Variants in CARM1 observed in about 807,000 individuals in gnomAD.
The protein encoded by CARM1 is coactivator associated arginine methyltransferase 1, also known as histone-arginine methyltransferase CARM1.
A neutral mutation model predicts 72.7 loss-of-function variants in CARM1; 14 were observed. That is an observed-to-expected ratio of 0.19 (90% CI 0.13 to 0.30). CARM1 has a LOEUF of 0.30. Ranked by LOEUF, CARM1 falls within the 10% of genes least tolerant of loss-of-function variation. CARM1 has a pLI of 1.00. For synonymous variants in CARM1, 333 were observed against 345.5 expected, an observed-to-expected ratio of 0.96 and a Z score of 0.40; for missense variants, 432 against 833.7, an observed-to-expected ratio of 0.52 and a Z score of 5.93.
Position 10,912,093 on chromosome 19 carries a change from C to A in CARM1, c.559-91C>A. On this transcript the variant is annotated intron_variant, in intron 4 of 15. Coordinates refer to ENST00000327064, the MANE Select transcript of CARM1 (RefSeq NM_199141.2). This position sits in a 1 kb window ranked among gnomAD's most constrained non-coding sequence, Gnocchi z 4.5. ...CAAACATTGAGAGTGAAGACAGACGCCTCATGATGTGCACATCCCTTATGA... is the reference window on the plus strand; with the variant it reads ...CAAACATTGAGAGTGAAGACAGACGACTCATGATGTGCACATCCCTTATGA... The A allele has an allele frequency of 1.1e-6, 1 of 911,276 alleles. No homozygotes were observed. The highest frequency in any genetic ancestry group is 1.9e-6 in the Non-Finnish European group (1 of 539,780). The allele number at this position is 911,276 out of a possible 1,614,324, so 56.4% of individuals were successfully genotyped here.
At chr19:10,892,185 T>C (rs920072141) in intron 1 of CARM1, among the ~76,000 whole-genome samples, 1 of 152,256 alleles carries the variant, frequency 6.6e-6, no homozygotes, top group African/African-American at 2.4e-5. Flanking sequence ...GATGGATATT[T>C]AGGTTTTCTG....
chr19:10,914,531 C>G lies in CARM1; in HGVS notation c.847+477C>G, dbSNP rs148657904. Among the ~76,000 whole-genome samples, 956 of 152,314 alleles carry G rather than the reference C, an allele frequency of 6.3e-3. 6 individuals carry two copies. Among genetic ancestry groups the G allele is most frequent in the Non-Finnish European group, 0.011 (736 of 68,026 alleles). ...CATCTGTCACTTCCCATCCGTGCCT[C>G]TGGGTATGGCCTCTGGTCACTGGGT... On this transcript the variant is annotated intron_variant, in intron 6 of 15. Coordinates refer to ENST00000327064, the MANE Select transcript of CARM1 (RefSeq NM_199141.2).
At position 10,876,728 on chromosome 19, in the gene CARM1, C is replaced by T. The variant is rs542024625; in HGVS notation, c.220+4806C>T. The stretch of plus-strand genomic sequence containing the variant: ...GGCCCTTTGGCGTGGGCTTCCTGGG[C>T]TTGAGGAAGCTTTGGCATGGCCTCT... On this transcript the variant is annotated intron_variant, in intron 1 of 15. Coordinates refer to ENST00000327064, the MANE Select transcript of CARM1 (RefSeq NM_199141.2). 1.3e-4 allele frequency among the ~76,000 whole-genome samples: 20 copies of T among 152,384 alleles called. No homozygotes were observed. The South Asian group carries it at 4.1e-3, about 32-fold the overall frequency.
intron 1 of CARM1, among the ~76,000 whole-genome samples, chr19:10,873,631 T>G (rs1478780084): frequency 3.0e-4 from 33 of 111,752 alleles, no homozygotes; most frequent in African/African-American, 4.2e-4. Context: ...TTAGTTTTTT[T>G]TTTTTTTTTT....
In CARM1 at chr19:10,894,113, C is replaced by G. The variant is rs1190351461; in HGVS notation, c.221-10838C>G. Among the ~76,000 whole-genome samples, 4 of 152,226 alleles carry G rather than the reference C, an allele frequency of 2.6e-5. No homozygotes were observed. The South Asian group carries it at 8.3e-4, about 31-fold the overall frequency. ...GCTCAGGTGTCGCCTCCTCCCGAGTCTGCCTGGAATCTGAATTGGGCCTGG... is the reference window on the plus strand; with the variant it reads ...GCTCAGGTGTCGCCTCCTCCCGAGTGTGCCTGGAATCTGAATTGGGCCTGG... On this transcript the variant is annotated intron_variant, in intron 1 of 15. Transcript: ENST00000327064.
intron 1 of CARM1, among the ~76,000 whole-genome samples, chr19:10,884,512 G>A (rs1267416003): frequency 1.3e-5 from 2 of 151,838 alleles, no homozygotes; most frequent in African/African-American, 2.4e-5. Flanking sequence ...ACACTACACA[G>A]CTCTGACTTT....
chr19:10,919,306 A>G, intron 8 of CARM1: 1 of 364,074 alleles, frequency 2.7e-6, no homozygotes, highest in Non-Finnish European at 5.0e-6. Context: ...TACCACGGAC[A>G]ATCTAATTAT....
rs754155943 is a variant in CARM1 at position 10,920,796 on chromosome 19, C to G, written c.1425-38C>G. On this transcript the variant is annotated intron_variant, in intron 12 of 15. Transcript: ENST00000327064. The surrounding 1 kb of genome is among the most constrained non-coding windows in gnomAD (Gnocchi z 5.3). ...ACAGGGGGGCGCCCCGGCCCTGCAA[C>G]CCCCTTGCCCCTGCCCATGGCTCTG... is the stretch of plus-strand genomic sequence containing the variant. The G allele has an allele frequency of 3.1e-6, 5 of 1,613,470 alleles. No homozygotes were observed. Among genetic ancestry groups the G allele is most frequent in the Non-Finnish European group, 4.2e-6 (5 of 1,179,508 alleles).
chr19:10,919,951 C>T lies in CARM1; in HGVS notation c.1181C>T (p.Ala394Val), dbSNP rs754155555. Residue 394 changes from alanine to valine, a missense_variant, in exon 10 of 16, where the codon GCT becomes GTT. By Grantham distance (64) the Ala-to-Val change is moderately conservative. This residue lies in a region of CARM1 where 152 missense variants were observed against 452.8 expected (regional missense o/e 0.34). Coordinates refer to ENST00000327064, the MANE Select transcript of CARM1 (RefSeq NM_199141.2). ...GGCCTGGCTTTCTGGTTTGACGTTG[C>T]TTTCATCGGCTCCATGTGAGTGCCG... ...VHGLAFWFDV[A>V]FIGSIMTVWL... 6.2e-7 allele frequency: 1 copy of T among 1,613,872 alleles called. No homozygotes were observed. The highest frequency in any genetic ancestry group is 1.3e-5 in the African/African-American group (1 of 75,064).
At chr19:10,878,909 C>T (rs1249551926) in intron 1 of CARM1, among the ~76,000 whole-genome samples, 2 of 151,640 alleles carry the variant, frequency 1.3e-5, no homozygotes, top group Non-Finnish European at 2.9e-5. Context: ...CGGGTTCAAG[C>T]GATTCTCCTG....
Position 10,916,834 on chromosome 19 carries a change from G to C in CARM1, c.1020+57G>C, listed in dbSNP as rs2074200924. ...GATCACTTGCCATTGCTGTGCAGCT[G>C]TGCAGCCCTCAGGAAGCTACAGCCC... On this transcript the variant is annotated intron_variant, in intron 8 of 15. Transcript: ENST00000327064. This position sits in a 1 kb window ranked among gnomAD's most constrained non-coding sequence, Gnocchi z 4.4. The C allele has an allele frequency of 2.3e-6, 3 of 1,308,680 alleles. No individual in the cohort carries two copies. The highest frequency in any genetic ancestry group is 5.1e-5 in the East Asian group (2 of 39,512). The allele number at this position is 1,308,680 out of a possible 1,614,324, so 81.1% of individuals were successfully genotyped here.
rs571743174 is a variant in CARM1 at position 10,886,348 on chromosome 19, C to T, written c.220+14426C>T. On this transcript the variant is annotated intron_variant, in intron 1 of 15. Coordinates refer to ENST00000327064, the MANE Select transcript of CARM1 (RefSeq NM_199141.2). Reference sequence around the variant, plus strand: ...AGCTGGGATTACAGGCGTGAGCCACCGTGCCCGGCCTAATTTTTGTATTTC... The same window carrying T: ...AGCTGGGATTACAGGCGTGAGCCACTGTGCCCGGCCTAATTTTTGTATTTC... Among the ~76,000 whole-genome samples, 333 of 152,022 alleles carry T rather than the reference C, an allele frequency of 2.2e-3. 6 individuals carry two copies. The South Asian group carries it at 0.049, about 22-fold the overall frequency.
chr19:10,878,353 G>A (rs2073878423), intron 1 of CARM1, among the ~76,000 whole-genome samples: 1 of 152,144 alleles, frequency 6.6e-6, no homozygotes, highest in South Asian at 2.1e-4. Flanking sequence ...CAGGAGTTGG[G>A]GTCTGTGGGG....
chr19:10,887,598 A>AT (rs952781213), intron 1 of CARM1, among the ~76,000 whole-genome samples: 19 of 151,172 alleles, frequency 1.3e-4, no homozygotes, highest in East Asian at 3.9e-4. Flanking sequence ...CTTATTCTTT[A>AT]TTTTTTTTTA....
At chr19:10,897,905 A>G (rs2074035603) in intron 1 of CARM1, among the ~76,000 whole-genome samples, 2 of 151,958 alleles carry the variant, frequency 1.3e-5, no homozygotes, top group Admixed American at 1.3e-4. Context: ...GGAGATCGAG[A>G]CCATCCTGGC....
chr19:10,899,733 T>C (rs1454754597), intron 1 of CARM1, among the ~76,000 whole-genome samples: 3 of 150,950 alleles, frequency 2.0e-5, no homozygotes, highest in Non-Finnish European at 4.4e-5. Flanking sequence ...CTTTTTTTTT[T>C]TTTTTGAGAC....
chr19:10,888,872 A>G (rs1421584028), intron 1 of CARM1, among the ~76,000 whole-genome samples: 3 of 152,192 alleles, frequency 2.0e-5, no homozygotes, highest in Admixed American at 1.3e-4. Flanking sequence ...TTGGCCTTCT[A>G]TTCTTGGGGT....
chr19:10,873,636 T>TG (rs2073838298), intron 1 of CARM1, among the ~76,000 whole-genome samples: 1 of 118,058 alleles, frequency 8.5e-6, no homozygotes, highest in African/African-American at 3.3e-5. Context: ...TTTTTTTTTT[T>TG]TTTTTTTTTT....
intron 4 of CARM1, among the ~76,000 whole-genome samples, chr19:10,910,036 T>G (rs1490933349): frequency 6.6e-6 from 1 of 152,080 alleles, no homozygotes; most frequent in Non-Finnish European, 1.5e-5. Context: ...GAAACTGCGG[T>G]GAGCTGTGAT....
Sources: gnomAD v4.1 joint callset for allele counts (sites outside exome capture counted in the v4.1 genomes callset) on GRCh38, gnomAD v4.1.1 for gene constraint, gnomAD v4.1.1 regional missense constraint, Gnocchi (gnomAD v3.1) non-coding constraint, MANE v1.5 for transcripts, NCBI Gene and HGNC (gene_info 2026-07-23, HGNC 2026-07-21) for gene names.